STPG4: variants seen among roughly 807,000 people sequenced by gnomAD.
The protein encoded by STPG4 is sperm-tail PG-rich repeat containing 4, also known as protein STPG4.
A neutral mutation model predicts 31.5 loss-of-function variants in STPG4; 41 were observed. The observed-to-expected ratio is 1.30, with a 90% CI of 1.01 to 1.69. The LOEUF (loss-of-function observed/expected upper bound fraction) is 1.69. Ranked by LOEUF, STPG4 falls within the 40% of genes most tolerant of loss-of-function variation. The pLI is 0.00. For synonymous variants in STPG4, 141 were observed against 103.0 expected, an observed-to-expected ratio of 1.37 and a Z score of -2.24; for missense variants, 375 against 293.4, an observed-to-expected ratio of 1.28 and a Z score of -2.03.
intron 5 of STPG4, among the ~76,000 whole-genome samples, chr2:47,102,247 G>T (rs894784556): frequency 7.4e-6 from 1 of 136,032 alleles, no homozygotes. Flanking sequence ...AGGTTCTCGA[G>T]CAGGGGAAGA....
chr2:47,103,359 C>T (rs1327465256), intron 5 of STPG4, among the ~76,000 whole-genome samples: 2 of 151,882 alleles, frequency 1.3e-5, no homozygotes, highest in Non-Finnish European at 1.5e-5. Context: ...AAGTTTATTA[C>T]CCAATCAGCC....
chr2:47,109,926 GATC>G (rs201498337), intron 5 of STPG4, among the ~76,000 whole-genome samples: 2,151 of 152,240 alleles, frequency 0.014, 55 homozygotes, highest in African/African-American at 0.048. Context: ...GACTGAAACA[GATC>G]ATGTAACGAC....
chr2:47,122,608 T>C (rs943288104), intron 5 of STPG4, among the ~76,000 whole-genome samples: 1 of 152,126 alleles, frequency 6.6e-6, no homozygotes, highest in South Asian at 2.1e-4. Context: ...TTATCAAATA[T>C]AAAAATCTTG....
chr2:47,099,672 C>T (rs1161535404), intron 5 of STPG4, among the ~76,000 whole-genome samples: 2 of 152,264 alleles, frequency 1.3e-5, no homozygotes, highest in Non-Finnish European at 2.9e-5. Flanking sequence ...ACTGTGGGAG[C>T]CCCTTTCTGG....
chr2:47,103,657 A>G (rs13019542), intron 5 of STPG4, among the ~76,000 whole-genome samples: 8,455 of 151,954 alleles, frequency 0.056, 430 homozygotes, highest in African/African-American at 0.11. Flanking sequence ...TGAGAAACAA[A>G]CTGCCCCCTC....
At chr2:47,143,709 C>T (rs1364970291) in intron 3 of STPG4, among the ~76,000 whole-genome samples, 2 of 152,006 alleles carry the variant, frequency 1.3e-5, no homozygotes, top group South Asian at 2.1e-4. Flanking sequence ...ATGATGGTCT[C>T]GATCTCCTGA....
At chr2:47,148,635 C>G (rs986672597) in intron 3 of STPG4, among the ~76,000 whole-genome samples, 3 of 152,244 alleles carry the variant, frequency 2.0e-5, no homozygotes, top group African/African-American at 7.2e-5. Context: ...CACCCGTGAA[C>G]TCGTCATTTA....
At chr2:47,112,892 T>G (rs1435793135) in intron 5 of STPG4, among the ~76,000 whole-genome samples, 1 of 149,990 alleles carries the variant, frequency 6.7e-6, no homozygotes, top group Non-Finnish European at 1.5e-5. Flanking sequence ...CTCAGGAAGC[T>G]GAGGTGGGAG....
chr2:47,120,832 A>G (rs763926237), intron 5 of STPG4, among the ~76,000 whole-genome samples: 4 of 152,168 alleles, frequency 2.6e-5, no homozygotes, highest in Non-Finnish European at 5.9e-5. Context: ...TATAAAAAAC[A>G]TTTATGTTTG....
At chr2:47,106,190 G>T (rs1685905742) in intron 5 of STPG4, among the ~76,000 whole-genome samples, 2 of 151,980 alleles carry the variant, frequency 1.3e-5, no homozygotes, top group African/African-American at 4.8e-5. Flanking sequence ...TCCTTTAAAA[G>T]CCAGGGTAAA....
chr2:47,107,307 G>A (rs953359517), intron 5 of STPG4, among the ~76,000 whole-genome samples: 2 of 152,230 alleles, frequency 1.3e-5, no homozygotes, highest in South Asian at 2.1e-4. Context: ...AACCGGGGCT[G>A]CGCGTGGTGC....
chr2:47,110,773 G>A (rs1408433906), intron 5 of STPG4, among the ~76,000 whole-genome samples: 6 of 152,034 alleles, frequency 3.9e-5, no homozygotes, highest in Non-Finnish European at 7.4e-5. Context: ...ATTTGATCCT[G>A]CATTTTTCAC....
At chr2:47,139,689 T>A (rs1686666600) in intron 3 of STPG4, among the ~76,000 whole-genome samples, 1 of 152,168 alleles carries the variant, frequency 6.6e-6, no homozygotes, top group African/African-American at 2.4e-5. Flanking sequence ...ATGCCATATT[T>A]ACCAAGAGAT....
At chr2:47,099,354 T>C (rs1442387548) in intron 5 of STPG4, among the ~76,000 whole-genome samples, 2 of 152,226 alleles carry the variant, frequency 1.3e-5, no homozygotes, top group South Asian at 2.1e-4. Flanking sequence ...CCCAGGCTGC[T>C]GCCCCAGGTG....
chr2:47,127,508 GTCTGCCTGCC>G (rs1686389709), intron 5 of STPG4, among the ~76,000 whole-genome samples: 1 of 151,820 alleles, frequency 6.6e-6, no homozygotes, highest in Admixed American at 6.6e-5. Flanking sequence ...GCCTCAAGCC[GTCTGCCTGCC>G]TCAGCCTCCC....
At chr2:47,115,652 C>CTTTTTTTTT (rs70940657) in intron 5 of STPG4, among the ~76,000 whole-genome samples, 2 of 113,316 alleles carry the variant, frequency 1.8e-5, no homozygotes, top group Non-Finnish European at 3.4e-5. Flanking sequence ...ACATTAAAGG[C>CTTTTTTTTT]TTTTTTTTTT....
At chr2:47,091,334 G>C (rs1424697882) in intron 5 of STPG4, among the ~76,000 whole-genome samples, 1 of 152,222 alleles carries the variant, frequency 6.6e-6, no homozygotes. Context: ...CAGAGAGGGA[G>C]AAAGAAGAAA....
intron 3 of STPG4, among the ~76,000 whole-genome samples, chr2:47,133,570 C>CTTTTTTTTTTTTTTTTTTTTTTTT (rs10682288): frequency 4.5e-5 from 3 of 67,154 alleles, no homozygotes; most frequent in Non-Finnish European, 7.5e-5. Flanking sequence ...GCACTCAAAT[C>CTTTTTTTTTTTTTTTTTTTTTTTT]TTTTTTTTTT....
chr2:47,140,898 T>TC (rs998617192), intron 3 of STPG4, among the ~76,000 whole-genome samples: 2 of 151,548 alleles, frequency 1.3e-5, no homozygotes, highest in African/African-American at 4.9e-5. Context: ...CAGGTACTTT[T>TC]TTTTTTTTCT....
Sources: gnomAD v4.1 joint callset for allele counts (sites outside exome capture counted in the v4.1 genomes callset) on GRCh38, gnomAD v4.1.1 for gene constraint, MANE v1.5 for transcripts, NCBI Gene and HGNC (gene_info 2026-07-23, HGNC 2026-07-21) for gene names.